UST: variants seen among roughly 807,000 people sequenced by gnomAD.
The protein encoded by UST is uronyl 2-sulfotransferase.
UST carries 21 observed loss-of-function variants against 45.6 expected under a neutral mutation model. The observed-to-expected ratio is 0.46, with a 90% confidence interval of 0.33 to 0.66. The LOEUF (loss-of-function observed/expected upper bound fraction) is 0.66. UST is among the 30% of genes least tolerant of loss of function. The pLI is 0.02. For synonymous variants in UST, 215 were observed against 200.6 expected, an observed-to-expected ratio of 1.07 and a Z score of -0.61; for missense variants, 463 against 512.4, an observed-to-expected ratio of 0.90 and a Z score of 0.93.
intron 5 of UST, among the ~76,000 whole-genome samples, chr6:149,007,704 G>A (rs7759757): frequency 0.23 from 34,808 of 151,638 alleles, 4,118 homozygotes; most frequent in South Asian, 0.33. Context: ...GATTACAGGC[G>A]TGAGCCACCG....
chr6:148,753,949 CTGTT>C (rs762704813), intron 1 of UST, among the ~76,000 whole-genome samples: 151 of 150,320 alleles, frequency 1.0e-3, no homozygotes, highest in Non-Finnish European at 2.0e-3. Flanking sequence ...TGCTTGTTGA[CTGTT>C]TGTATATCTT....
At chr6:149,006,830 A>G (rs946649398) in intron 5 of UST, among the ~76,000 whole-genome samples, 1 of 152,144 alleles carries the variant, frequency 6.6e-6, no homozygotes, top group Admixed American at 6.5e-5. Flanking sequence ...TTTTATTTCT[A>G]TGCCATAAAT....
At chr6:148,891,687 C>T (rs1041095650) in intron 2 of UST, among the ~76,000 whole-genome samples, 1 of 152,202 alleles carries the variant, frequency 6.6e-6, no homozygotes, top group Non-Finnish European at 1.5e-5. Context: ...CAATAATTTT[C>T]TACCTTATTT....
intron 2 of UST, among the ~76,000 whole-genome samples, chr6:148,927,220 G>A (rs35255983): frequency 0.28 from 42,264 of 151,762 alleles, 6,731 homozygotes; most frequent in African/African-American, 0.44. Context: ...AGGAGGACCA[G>A]TGGGAGGGAG....
chr6:149,008,074 C>A (rs1016017469), intron 5 of UST, among the ~76,000 whole-genome samples: 5 of 152,124 alleles, frequency 3.3e-5, no homozygotes, highest in African/African-American at 1.2e-4. Flanking sequence ...TGGTGCCTTG[C>A]TGTGCAGTCC....
chr6:149,019,385 A>G (rs1775948996), intron 6 of UST, 149 bp downstream of exon 6: 2 of 651,164 alleles, frequency 3.1e-6, no homozygotes, highest in Non-Finnish European at 2.7e-6. Flanking sequence ...TTTCAAGATA[A>G]TATTTGAGAC....
Position 148,909,868 on chromosome 6 carries a change from A to C in UST, c.291+22839A>C, listed in dbSNP as rs148945850. 4.7e-3 allele frequency among the ~76,000 whole-genome samples: 711 copies of C among 152,342 alleles called. 6 individuals carry two copies. The highest frequency in any genetic ancestry group is 0.016 in the African/African-American group (662 of 41,594). On this transcript the variant is annotated intron_variant, in intron 2 of 7. Transcript: ENST00000367463. ...GTGTTCAAATGACTGCTAAATAGGC[A>C]AGCTGCATTTTCACAGGATAGTGTA...
At chr6:149,010,125 A>G (rs1562328513) in intron 5 of UST, among the ~76,000 whole-genome samples, 1 of 152,146 alleles carries the variant, frequency 6.6e-6, no homozygotes, top group Non-Finnish European at 1.5e-5. Context: ...AACATTTTAA[A>G]TGACTGCAGT....
intron 5 of UST, among the ~76,000 whole-genome samples, chr6:148,985,267 TG>T (rs1372406952): frequency 6.6e-6 from 1 of 152,202 alleles, no homozygotes; most frequent in Non-Finnish European, 1.5e-5. Flanking sequence ...GGAACAATGT[TG>T]GTGCTCAGTA....
At chr6:149,061,833 T>C (rs1776659424) in intron 7 of UST, among the ~76,000 whole-genome samples, 1 of 152,226 alleles carries the variant, frequency 6.6e-6, no homozygotes, top group Admixed American at 6.5e-5. Flanking sequence ...CCTTGGCACA[T>C]AGGTCAAATG....
chr6:148,928,075 A>G (rs1232978118), intron 2 of UST, among the ~76,000 whole-genome samples: 2 of 152,010 alleles, frequency 1.3e-5, no homozygotes, highest in Admixed American at 6.5e-5. Flanking sequence ...TAGGTTGGAC[A>G]GTGGCCTTAC....
At chr6:149,035,895 T>C (rs1776233462) in intron 7 of UST, among the ~76,000 whole-genome samples, 1 of 152,160 alleles carries the variant, frequency 6.6e-6, no homozygotes, top group East Asian at 1.9e-4. Context: ...TTGTTAGTGA[T>C]TGTAGTTTTT....
chr6:149,010,167 A>G (rs1354640579), intron 5 of UST, among the ~76,000 whole-genome samples: 1 of 152,230 alleles, frequency 6.6e-6, no homozygotes, highest in African/African-American at 2.4e-5. Flanking sequence ...CAAGTTCCCT[A>G]ATCTCTATAA....
At chr6:148,788,488 TA>T (rs1776776827) in intron 1 of UST, among the ~76,000 whole-genome samples, 1 of 152,184 alleles carries the variant, frequency 6.6e-6, no homozygotes, top group Non-Finnish European at 1.5e-5. Flanking sequence ...GAAATTTCTT[TA>T]AAAAATGCTG....
intron 4 of UST, among the ~76,000 whole-genome samples, chr6:148,958,052 T>C (rs9386240): frequency 0.26 from 39,278 of 152,096 alleles, 5,469 homozygotes; most frequent in African/African-American, 0.36. Context: ...TAAGGCATTA[T>C]ACCATAGCTA....
intron 7 of UST, among the ~76,000 whole-genome samples, chr6:149,046,104 C>G (rs1776391773): frequency 6.6e-6 from 1 of 152,208 alleles, no homozygotes; most frequent in African/African-American, 2.4e-5. Context: ...CCATACACAG[C>G]TTTAATGCAC....
chr6:148,975,813 G>A (rs1781004771), intron 5 of UST, among the ~76,000 whole-genome samples: 1 of 152,188 alleles, frequency 6.6e-6, no homozygotes, highest in African/African-American at 2.4e-5. Flanking sequence ...AAATCAGAAG[G>A]ATGTGTATCT....
At chr6:149,057,877 A>G (rs1776590043) in intron 7 of UST, among the ~76,000 whole-genome samples, 1 of 152,250 alleles carries the variant, frequency 6.6e-6, no homozygotes, top group Admixed American at 6.5e-5. Flanking sequence ...CTTGATTAAA[A>G]GTTATTTTAT....
At chr6:148,876,562 T>C (rs911695157) in intron 1 of UST, among the ~76,000 whole-genome samples, 1 of 152,148 alleles carries the variant, frequency 6.6e-6, no homozygotes. Flanking sequence ...CTACAACCCC[T>C]GGGCCATGTT....
Sources: gnomAD v4.1 joint callset for allele counts (sites outside exome capture counted in the v4.1 genomes callset) on GRCh38, gnomAD v4.1.1 for gene constraint, MANE v1.5 for transcripts, NCBI Gene and HGNC (gene_info 2026-07-23, HGNC 2026-07-21) for gene names.